The following MAP4K1 variants were observed in gnomAD, a reference collection of about 807,000 sequenced individuals.
MAP4K1 encodes the protein mitogen-activated protein kinase kinase kinase kinase 1, also known as MAPK/ERK kinase kinase kinase 1.
MAP4K1 carries 35 observed loss-of-function variants against 122.8 expected under a neutral mutation model. The ratio of observed to expected loss-of-function variants is 0.29; its 90% confidence interval spans 0.22 to 0.38. The LOEUF (loss-of-function observed/expected upper bound fraction) is 0.38. Ranked by LOEUF, MAP4K1 falls within the 10% of genes least tolerant of loss-of-function variation. The pLI is 1.00. For missense variants in MAP4K1, 791 were observed against 1,072.6 expected (o/e 0.74, Z 3.67); for synonymous variants, 412 against 421.3 (o/e 0.98, Z 0.27).
intron 12 of MAP4K1, 45 bp downstream of exon 12, chr19:38,609,864 A>G (rs577946521): frequency 6.5e-7 from 1 of 1,547,164 alleles, no homozygotes; most frequent in African/African-American, 1.4e-5. Flanking sequence ...ACAGCCTGAG[A>G]AAGACCGAGA....
At chr19:38,603,044 A>G (rs189860551) in intron 19 of MAP4K1, among the ~76,000 whole-genome samples, 7 of 141,470 alleles carry the variant, frequency 4.9e-5, no homozygotes, top group Non-Finnish European at 7.5e-5. Context: ...ACACATGTAC[A>G]TATATACGCA....
intron 30 of MAP4K1, among the ~76,000 whole-genome samples, chr19:38,592,746 A>G (rs572974457): frequency 6.6e-6 from 1 of 151,686 alleles, no homozygotes; most frequent in African/African-American, 2.4e-5. Flanking sequence ...GTGAAATGCC[A>G]TCTCTACTAA....
chr19:38,617,853 C>G lies in MAP4K1; in HGVS notation c.43G>C (p.Asp15His). 2 of 1,614,150 alleles carry G rather than the reference C, an allele frequency of 1.2e-6. No individual in the cohort carries two copies. The highest frequency in any genetic ancestry group is 1.7e-6 in the Non-Finnish European group (2 of 1,180,022). Residue 15 changes from aspartate to histidine, a missense_variant, in exon 1 of 31, where the codon GAC becomes CAC. This residue lies in a region of MAP4K1 where 163 missense variants were observed against 286.1 expected (regional missense o/e 0.57). Transcript: ENST00000396857. This position sits in a 1 kb window ranked among gnomAD's most constrained non-coding sequence, Gnocchi z 4.1. ...AGCCGCTGTAGCAGGTCATAGTGGT[C>G]CCGGGGGTCTCTATTGAAAATGTCA... is the stretch of plus-strand genomic sequence containing the variant. The part of the protein sequence containing the change: ...DPDIFNRDPR[D>H]HYDLLQRLGG...
intron 19 of MAP4K1, among the ~76,000 whole-genome samples, chr19:38,602,797 CATACATAT>C (rs200980380): frequency 0.068 from 8,850 of 130,886 alleles, 643 homozygotes; most frequent in East Asian, 0.28. Context: ...TATATACACA[CATACATAT>C]ATACATATAT....
intron 16 of MAP4K1, among the ~76,000 whole-genome samples, 180 bp from the exon 17 acceptor site, chr19:38,606,395 C>T (rs1049252083): frequency 6.6e-6 from 1 of 152,210 alleles, no homozygotes; most frequent in Non-Finnish European, 1.5e-5. Flanking sequence ...CATAGTGGCT[C>T]ATGCCTGTAA....
chr19:38,590,262 T>G (rs1322461929), intron 30 of MAP4K1, among the ~76,000 whole-genome samples: 1 of 149,884 alleles, frequency 6.7e-6, no homozygotes, highest in Non-Finnish European at 1.5e-5. Flanking sequence ...AAATTTCCTT[T>G]AATTTTTAAA....
rs556967234 is a variant in MAP4K1 at position 38,603,088 on chromosome 19, A to G, written c.1447-1563T>C. On this transcript the variant is annotated intron_variant, in intron 19 of 30. Transcript: ENST00000396857. ...TACACATATACATATATACACATGT[A>G]CATATATACACATGTACATATATAC... Among the ~76,000 whole-genome samples, 31 of 143,164 alleles carry G rather than the reference A, an allele frequency of 2.2e-4. 3 individuals are homozygous for G. The highest frequency in any genetic ancestry group is 7.7e-4 in the African/African-American group (30 of 39,058). The allele number at this position is 143,164 out of a possible 152,430, so 93.9% of individuals were successfully genotyped here.
chr19:38,613,766 A>T, intron 8 of MAP4K1, 114 bp downstream of exon 8: 1 of 784,884 alleles, frequency 1.3e-6, no homozygotes, highest in Non-Finnish European at 2.0e-6. Context: ...GAATCTTCCA[A>T]GGAGAAAGGA....
intron 20 of MAP4K1, 119 bp downstream of exon 20, chr19:38,601,322 C>T: frequency 4.5e-6 from 4 of 881,886 alleles, no homozygotes; most frequent in Admixed American, 4.7e-5. Flanking sequence ...CCTGGCCACA[C>T]CCCAACTCCA....
chr19:38,605,781 AG>A (rs1428444736), intron 17 of MAP4K1, 51 bp from the exon 18 acceptor site: 4 of 1,556,394 alleles, frequency 2.6e-6, no homozygotes, highest in Non-Finnish European at 3.5e-6. Context: ...GATCTCAGAG[AG>A]GGCACCCTTT....
At chr19:38,615,969 A>AT (rs1975636945) in intron 4 of MAP4K1, among the ~76,000 whole-genome samples, 1 of 146,916 alleles carries the variant, frequency 6.8e-6, no homozygotes, top group Non-Finnish European at 1.5e-5. Context: ...CAGCAGTTAT[A>AT]TTAAAAAAAA....
intron 13 of MAP4K1, among the ~76,000 whole-genome samples, chr19:38,609,228 A>G: frequency 6.6e-6 from 1 of 151,986 alleles, no homozygotes; most frequent in East Asian, 1.9e-4. Context: ...TCCACCTCCC[A>G]GGTTCAGGCA....
chr19:38,610,084 G>A, intron 11 of MAP4K1, 59 bp from the exon 12 acceptor site: 2 of 1,262,110 alleles, frequency 1.6e-6, no homozygotes, highest in Admixed American at 1.7e-5. Flanking sequence ...GAGGGCTGGT[G>A]TGGACAGAGA....
chr19:38,605,359 ATCCCC>A, intron 19 of MAP4K1, 45 bp downstream of exon 19: 1 of 741,882 alleles, frequency 1.3e-6, no homozygotes, highest in Non-Finnish European at 2.2e-6. Flanking sequence ...CCCACCAGGC[ATCCCC>A]AGCCCCGTCC....
At chr19:38,603,470 G>GTA (rs1272373461) in intron 19 of MAP4K1, among the ~76,000 whole-genome samples, 1 of 151,474 alleles carries the variant, frequency 6.6e-6, no homozygotes. Flanking sequence ...ATATGTATAT[G>GTA]TATATATGTA....
At position 38,617,592 on chromosome 19, in the gene MAP4K1, G is replaced by A. The variant is rs772280245; in HGVS notation, c.133C>T (p.Leu45=). 4 of 1,614,082 alleles carry A rather than the reference G, an allele frequency of 2.5e-6. No individual in the cohort carries two copies. The South Asian group carries it at 3.3e-5, about 13-fold the overall frequency. The stretch of plus-strand genomic sequence containing the variant: ...CCAGGCTCCATCTTCACCATCTTCA[G>A]TGCCACCAGGTCCCCTGACACCTTG... The part of the protein sequence containing the change: ...RDKVSGDLVA[L]KMVKMEPDDD... The change falls in exon 2 of 31, where the codon CTG becomes TTG. Residue 45 remains leucine (L), a synonymous_variant. Coordinates refer to ENST00000396857, the MANE Select transcript of MAP4K1 (RefSeq NM_001042600.3). This position sits in a 1 kb window ranked among gnomAD's most constrained non-coding sequence, Gnocchi z 4.1.
In MAP4K1 at chr19:38,617,007, G is replaced by A. The variant is rs920000685; in HGVS notation, c.248+347C>T. The stretch of plus-strand genomic sequence containing the variant: ...TCACACCTGTAATCCCAGCACTTTC[G>A]GAGGCCGAGGCGAGTGGATCACAAG... On this transcript the variant is annotated intron_variant, in intron 3 of 30. Transcript: ENST00000396857. The surrounding 1 kb of genome is among the most constrained non-coding windows in gnomAD (Gnocchi z 4.1). Among the ~76,000 whole-genome samples the A allele has an allele frequency of 2.0e-5, 3 of 152,028 alleles. No individual in the cohort carries two copies. The highest frequency in any genetic ancestry group is 1.3e-4 in the Admixed American group (2 of 15,244).
chr19:38,609,542 T>A (rs989491197), intron 13 of MAP4K1, 54 bp downstream of exon 13: 2 of 1,518,978 alleles, frequency 1.3e-6, no homozygotes, highest in Non-Finnish European at 1.8e-6. Context: ...GAAGGTGGTC[T>A]CTTAGGTCTA....
At position 38,608,168 on chromosome 19, in the gene MAP4K1, G is replaced by A. The variant is rs138670494; in HGVS notation, c.1009C>T (p.Arg337Trp). 8 of 1,511,208 alleles carry A rather than the reference G, an allele frequency of 5.3e-6. No individual in the cohort carries two copies. The highest frequency in any genetic ancestry group is 2.3e-5 in the East Asian group (1 of 43,378). The allele number at this position is 1,511,208 out of a possible 1,614,324, so 93.6% of individuals were successfully genotyped here. ...LGIPDADCCR[R>W]HMEFRKLRGM... ...CGGAGCTTCCTGAACTCCATGTGCC[G>A]CCCTAGGGTGGGTGGGGGAAGATAA... Residue 337 changes from arginine to tryptophan, a missense_variant and splice_region_variant, in exon 14 of 31, where the codon CGG (arginine) becomes TGG (tryptophan). Physicochemically the swap from Arg to Trp is moderately radical, Grantham distance 101. Transcript: ENST00000396857.
Sources: gnomAD v4.1 joint callset for allele counts (sites outside exome capture counted in the v4.1 genomes callset) on GRCh38, gnomAD v4.1.1 for gene constraint, gnomAD v4.1.1 regional missense constraint, Gnocchi (gnomAD v3.1) non-coding constraint, MANE v1.5 for transcripts, NCBI Gene and HGNC (gene_info 2026-07-23, HGNC 2026-07-21) for gene names.